Variants in TTC23L observed in about 807,000 individuals in gnomAD.
TTC23L encodes tetratricopeptide repeat protein 23-like.
TTC23L carries 42 observed loss-of-function variants against 48.1 expected under a neutral mutation model. That is an observed-to-expected ratio of 0.87 (90% CI 0.68 to 1.13). The LOEUF is 1.13. TTC23L is among the 50% of genes most tolerant of loss of function. The pLI is 0.00. For synonymous variants in TTC23L, 159 were observed against 157.2 expected (o/e 1.01, Z -0.09); for missense variants, 391 against 421.0 (o/e 0.93, Z 0.62).
chr5:34,903,355 A>AT (rs548381809), downstream of TTC23L, among the ~76,000 whole-genome samples: 214 of 152,296 alleles, frequency 1.4e-3, no homozygotes, highest in Middle Eastern at 3.4e-3. Context: ...CATAAAAAAA[A>AT]TTAAGGGAAA....
At chr5:34,880,223 G>A (rs563032395) in exon 9 of TTC23L, 26 of 1,613,118 alleles carry the variant, frequency 1.6e-5, no homozygotes, top group Admixed American at 1.2e-4. Context: ...AATGCATATC[G>A]AGCAACATTG....
the TTC23L span, chr5:34,915,671 T>C: frequency 8.7e-6 from 13 of 1,489,028 alleles, no homozygotes; most frequent in South Asian, 4.1e-5. Flanking sequence ...CGCCGAACCA[T>C]AGAGATCGGA....
chr5:34,886,363 T>TAAAAA (rs3032938), intron 9 of TTC23L, among the ~76,000 whole-genome samples: 19 of 123,352 alleles, frequency 1.5e-4, no homozygotes, highest in East Asian at 4.9e-4. Context: ...CAGGCTGATT[T>TAAAAA]AAAAAAAAAA....
intron 2 of TTC23L, among the ~76,000 whole-genome samples, chr5:34,843,901 G>A (rs1444847962): frequency 2.0e-5 from 3 of 152,106 alleles, no homozygotes; most frequent in Non-Finnish European, 2.9e-5. Context: ...AGCCCCTGCC[G>A]TATTGGAGTT....
chr5:34,924,929 G>A, the TTC23L span: 144 of 1,613,450 alleles, frequency 8.9e-5, no homozygotes, highest in Non-Finnish European at 1.2e-4. Context: ...GGAAGTTTTG[G>A]AGGACCAACT....
At chr5:34,888,833 C>T (rs1762686668) in intron 9 of TTC23L, among the ~76,000 whole-genome samples, 1 of 152,104 alleles carries the variant, frequency 6.6e-6, no homozygotes, top group Non-Finnish European at 1.5e-5. Flanking sequence ...TGTTGTTGAT[C>T]ACAGTGTGAT....
chr5:34,840,578 T>C, intron 1 of TTC23L, 87 bp from the exon 2 acceptor site: 1 of 1,170,754 alleles, frequency 8.5e-7, no homozygotes, highest in Non-Finnish European at 1.3e-6. Context: ...GCAGTTTTAG[T>C]TTAATGTTAA....
chr5:34,908,218 G>A, the TTC23L span: 2 of 139,066 alleles, frequency 1.4e-5, no homozygotes, highest in Admixed American at 7.8e-5. Flanking sequence ...TTATTGCCTA[G>A]GCTGGAGTGC....
intron 4 of TTC23L, chr5:34,861,198 C>T (rs1760617778): frequency 1.3e-5 from 2 of 152,374 alleles, no homozygotes; most frequent in Non-Finnish European, 2.9e-5. Context: ...AATCTCCTGA[C>T]CTTGTGATTC....
At chr5:34,913,463 A>G in the TTC23L span, 1 of 1,496,290 alleles carries the variant, frequency 6.7e-7, no homozygotes, top group Non-Finnish European at 9.2e-7. Context: ...TACTGATCAT[A>G]GTTTACCTGG....
At chr5:34,900,508 AAAAG>A (rs1197541705), downstream of TTC23L, among the ~76,000 whole-genome samples, 7 of 152,198 alleles carry the variant, frequency 4.6e-5, no homozygotes, top group South Asian at 4.1e-4. Context: ...TCAAAAAAAA[AAAAG>A]AAAGAAAATA....
chr5:34,869,173 C>A, intron 8 of TTC23L, 160 bp downstream of exon 8: 1 of 576,586 alleles, frequency 1.7e-6, no homozygotes, highest in Non-Finnish European at 3.1e-6. Flanking sequence ...TAATTTAAAC[C>A]TGATAATATA....
intron 8 of TTC23L, among the ~76,000 whole-genome samples, chr5:34,879,555 C>T (rs184937510): frequency 6.6e-6 from 1 of 152,142 alleles, no homozygotes; most frequent in Non-Finnish European, 1.5e-5. Context: ...AAAATATAGT[C>T]TTGCAGTATA....
chr5:34,913,444 A>G, the TTC23L span: 2 of 1,359,556 alleles, frequency 1.5e-6, no homozygotes, highest in East Asian at 4.6e-5. Flanking sequence ...TAACACTTTT[A>G]TGTCTTTATA....
At chr5:34,913,479 G>A in the TTC23L span, 16 of 1,566,448 alleles carry the variant, frequency 1.0e-5, no homozygotes, top group Admixed American at 1.8e-5. Context: ...CCTGGCATAG[G>A]ACTTGATCCA....
chr5:34,871,423 A>T (rs1761458072), intron 8 of TTC23L, among the ~76,000 whole-genome samples: 1 of 152,222 alleles, frequency 6.6e-6, no homozygotes, highest in Non-Finnish European at 1.5e-5. Context: ...GACCTAAATA[A>T]ATACACATAC....
At chr5:34,917,884 G>C in the TTC23L span, among the ~76,000 whole-genome samples, 1 of 152,094 alleles carries the variant, frequency 6.6e-6, no homozygotes, top group Non-Finnish European at 1.5e-5. Context: ...GAATTGGAGA[G>C]ATTGAAGTTG....
At chr5:34,869,142 C>T in intron 8 of TTC23L, 129 bp downstream of exon 8, 1 of 680,390 alleles carries the variant, frequency 1.5e-6, no homozygotes, top group Admixed American at 2.6e-5. Flanking sequence ...GTCACAGTCT[C>T]ATACAAAATC....
At chr5:34,868,864 G>C (rs1365081492) in intron 7 of TTC23L, 41 bp from the exon 8 acceptor site, 1 of 1,536,690 alleles carries the variant, frequency 6.5e-7, no homozygotes, top group Non-Finnish European at 8.9e-7. Context: ...AGTGAACACT[G>C]TCATTGGGTG....
Sources: allele counts gnomAD v4.1 joint callset (sites outside exome capture counted in the v4.1 genomes callset), GRCh38; gene constraint gnomAD v4.1.1; transcripts MANE v1.5; gene names NCBI Gene and HGNC (gene_info 2026-07-23, HGNC 2026-07-21).